DENND1A: variants seen among roughly 807,000 people sequenced by gnomAD.
The protein encoded by DENND1A is DENN domain-containing protein 1A.
A neutral mutation model predicts 113.7 loss-of-function variants in DENND1A; 51 were observed. That is an observed-to-expected ratio of 0.45 (90% confidence interval 0.36 to 0.57). The LOEUF (loss-of-function observed/expected upper bound fraction) is 0.57. Among genes scored for constraint, DENND1A ranks in the 20% least tolerant of loss-of-function variants. The pLI is 0.00. For synonymous variants in DENND1A, 565 were observed against 570.8 expected (o/e 0.99, Z 0.14); for missense variants, 1,258 against 1,395.9 (o/e 0.90, Z 1.57).
chr9:123,894,079 A>G (rs904495600), intron 1 of DENND1A, among the ~76,000 whole-genome samples: 4 of 152,274 alleles, frequency 2.6e-5, no homozygotes, highest in African/African-American at 9.6e-5. Flanking sequence ...TTATATATAC[A>G]TATTACCTAC....
intron 4 of DENND1A, among the ~76,000 whole-genome samples, chr9:123,765,981 G>A (rs1345468385): frequency 1.3e-5 from 2 of 152,108 alleles, no homozygotes; most frequent in African/African-American, 2.4e-5. Context: ...CTATAAAATG[G>A]GGAGTTTGAA....
intron 1 of DENND1A, among the ~76,000 whole-genome samples, chr9:123,898,781 T>A (rs897438209): frequency 1.3e-5 from 2 of 152,254 alleles, no homozygotes; most frequent in Non-Finnish European, 2.9e-5. Context: ...TTTTACAGTG[T>A]GCTCTTTGTG....
At chr9:123,784,137 T>G (rs1269206671) in intron 3 of DENND1A, among the ~76,000 whole-genome samples, 1 of 152,156 alleles carries the variant, frequency 6.6e-6, no homozygotes, top group African/African-American at 2.4e-5. Flanking sequence ...AGGCATCCTA[T>G]GTCTGGGCTG....
chr9:123,873,845 C>T (rs545607514), intron 2 of DENND1A, among the ~76,000 whole-genome samples: 3 of 151,926 alleles, frequency 2.0e-5, no homozygotes, highest in African/African-American at 4.8e-5. Context: ...CAGGTTCAAG[C>T]GATCCTCCTG....
At chr9:123,809,924 C>T (rs1006710260) in intron 2 of DENND1A, among the ~76,000 whole-genome samples, 2 of 152,194 alleles carry the variant, frequency 1.3e-5, no homozygotes, top group Non-Finnish European at 2.9e-5. Context: ...ATCCGCCTAC[C>T]TCAGCCTCCC....
At chr9:123,607,059 G>T (rs1372446735) in intron 11 of DENND1A, among the ~76,000 whole-genome samples, 4 of 152,164 alleles carry the variant, frequency 2.6e-5, no homozygotes, top group African/African-American at 9.7e-5. Context: ...AGAACCCAGG[G>T]ACTGTGTAGG....
intron 21 of DENND1A, chr9:123,401,383 A>T: frequency 5.7e-6 from 4 of 707,464 alleles, no homozygotes; most frequent in Non-Finnish European, 7.1e-6. Context: ...GTAGAAAAAC[A>T]CCCGGGTTGC....
chr9:123,512,444 T>C (rs2053536802), intron 13 of DENND1A, among the ~76,000 whole-genome samples: 2 of 152,174 alleles, frequency 1.3e-5, no homozygotes, highest in Non-Finnish European at 2.9e-5. Context: ...GATGCAGGTC[T>C]CGGGCAAGAA....
chr9:123,495,476 G>T (rs184232490), intron 13 of DENND1A, among the ~76,000 whole-genome samples: 46 of 152,288 alleles, frequency 3.0e-4, no homozygotes, highest in Non-Finnish European at 5.3e-4. Flanking sequence ...AAAAAACCAC[G>T]GGTGTTACAA....
At chr9:123,848,228 TAAAAAAAAAAAA>T (rs375535777) in intron 2 of DENND1A, among the ~76,000 whole-genome samples, 37 of 60,520 alleles carry the variant, frequency 6.1e-4, no homozygotes, top group Middle Eastern at 0.013. Flanking sequence ...GATACTGCTT[TAAAAAAAAAAAA>T]AAAAAAAAAA....
chr9:123,929,913 A>C lies in DENND1A; in HGVS notation c.-8T>G, dbSNP rs1420548656. ...CTTGATCCTGGAGCCCATGGTCCCC[A>C]GGCCTCCTCATGGGCCCGCGGGCCC... On this transcript the variant is annotated 5_prime_UTR_variant, in exon 1 of 24. Coordinates refer to ENST00000394215, the MANE Select transcript of DENND1A (RefSeq NM_001352964.2). 6.1e-6 allele frequency: 2 copies of C among 325,420 alleles called. No individual in the cohort carries two copies. Among genetic ancestry groups the C allele is most frequent in the Admixed American group, 8.5e-5 (2 of 23,430 alleles). The allele number at this position is 325,420 out of a possible 1,614,324, so 20.2% of individuals were successfully genotyped here.
At chr9:123,495,843 A>C (rs1370105105) in intron 13 of DENND1A, among the ~76,000 whole-genome samples, 1 of 152,364 alleles carries the variant, frequency 6.6e-6, no homozygotes, top group East Asian at 1.9e-4. Flanking sequence ...CAATAAGGGC[A>C]CCATTGTTCC....
At chr9:123,883,363 G>C (rs992986449) in intron 1 of DENND1A, among the ~76,000 whole-genome samples, 1 of 152,198 alleles carries the variant, frequency 6.6e-6, no homozygotes, top group Admixed American at 6.5e-5. Flanking sequence ...AAAGAATAGA[G>C]TTGCCTTCCT....
At chr9:123,713,441 GA>G (rs768110595) in intron 5 of DENND1A, among the ~76,000 whole-genome samples, 2 of 152,184 alleles carry the variant, frequency 1.3e-5, no homozygotes, top group Non-Finnish European at 2.9e-5. Context: ...ACTATGTTCA[GA>G]ACACCTGGAA....
intron 16 of DENND1A, among the ~76,000 whole-genome samples, chr9:123,452,971 C>T (rs1452708405): frequency 6.6e-6 from 1 of 152,196 alleles, no homozygotes; most frequent in Non-Finnish European, 1.5e-5. Context: ...AAATCCAACA[C>T]AGCAATTTCT....
intron 7 of DENND1A, among the ~76,000 whole-genome samples, chr9:123,669,929 C>T (rs984457484): frequency 1.3e-5 from 2 of 152,104 alleles, no homozygotes; most frequent in African/African-American, 2.4e-5. Flanking sequence ...AGACCATAGG[C>T]TTGAAGTTAG....
At chr9:123,552,618 G>A (rs1437132084) in intron 13 of DENND1A, among the ~76,000 whole-genome samples, 2 of 152,272 alleles carry the variant, frequency 1.3e-5, no homozygotes, top group Non-Finnish European at 2.9e-5. Context: ...GGGAGCACAG[G>A]TGAGCCAGAG....
intron 5 of DENND1A, among the ~76,000 whole-genome samples, chr9:123,691,745 A>C (rs886371941): frequency 2.0e-5 from 3 of 152,080 alleles, no homozygotes; most frequent in African/African-American, 4.8e-5. Context: ...AGACTGCTTT[A>C]GAAGGAGGAT....
intron 2 of DENND1A, among the ~76,000 whole-genome samples, chr9:123,822,785 A>C (rs1838691418): frequency 6.6e-6 from 1 of 152,206 alleles, no homozygotes; most frequent in Non-Finnish European, 1.5e-5. Flanking sequence ...TTGCTATTTT[A>C]TTCCATTTCA....
Sources: allele counts gnomAD v4.1 joint callset (sites outside exome capture counted in the v4.1 genomes callset), GRCh38; gene constraint gnomAD v4.1.1; transcripts MANE v1.5; gene names NCBI Gene and HGNC (gene_info 2026-07-23, HGNC 2026-07-21).